OXR1: variants seen among roughly 807,000 people sequenced by gnomAD.
OXR1 encodes oxidation resistance 1.
A neutral mutation model predicts 104.6 loss-of-function variants in OXR1; 41 were observed. The observed-to-expected ratio is 0.39, with a 90% confidence interval of 0.31 to 0.51. The LOEUF is 0.51. Ranked by LOEUF, OXR1 falls within the 20% of genes least tolerant of loss-of-function variation. OXR1 has a pLI of 0.77. For missense variants in OXR1, 955 were observed against 1,031.9 expected, an observed-to-expected ratio of 0.93 and a Z score of 1.02; for synonymous variants, 348 against 348.4, an observed-to-expected ratio of 1.00 and a Z score of 0.01.
chr8:106,343,035 G>A (rs1815320833), intron 1 of OXR1, among the ~76,000 whole-genome samples: 1 of 152,160 alleles, frequency 6.6e-6, no homozygotes, highest in Admixed American at 6.5e-5. Context: ...TGCAAATCCA[G>A]TCAGTCCCTG....
chr8:106,745,053 A>G (rs1451276559), intron 15 of OXR1, among the ~76,000 whole-genome samples: 1 of 152,168 alleles, frequency 6.6e-6, no homozygotes, highest in Non-Finnish European at 1.5e-5. Flanking sequence ...GATAAGTGTA[A>G]TAATGTAGTC....
chr8:106,702,524 G>A lies in OXR1; in HGVS notation c.676-382G>A, dbSNP rs896995063. Among the ~76,000 whole-genome samples the A allele has an allele frequency of 8.5e-5, 13 of 152,202 alleles. No individual in the cohort carries two copies. In the East Asian group the frequency reaches 2.5e-3, roughly 29 times the overall value. On this transcript the variant is annotated intron_variant, in intron 7 of 16. Coordinates refer to ENST00000517566, the MANE Select transcript of OXR1 (RefSeq NM_001198533.2). ...CAACATTATTTATTGAGTCTGCACT[G>A]TATACATGACACTGTATTTGGTACT...
chr8:106,464,321 T>C (rs1821066123), intron 2 of OXR1, among the ~76,000 whole-genome samples: 1 of 152,046 alleles, frequency 6.6e-6, no homozygotes, highest in Non-Finnish European at 1.5e-5. Flanking sequence ...ACTGATACCA[T>C]AGTTAATGGA....
rs1563731558 is a variant in OXR1 at position 106,707,227 on chromosome 8, T to C, written c.1624+82T>C. 4 of 1,239,720 alleles carry C rather than the reference T, an allele frequency of 3.2e-6. No homozygotes were observed. In the Admixed American group the frequency reaches 7.1e-5, roughly 22 times the overall value. 76.8% of individuals were successfully genotyped at this position (1,239,720 alleles called of 1,614,324 possible). On this transcript the variant is annotated intron_variant, in intron 9 of 16. Coordinates refer to ENST00000517566, the MANE Select transcript of OXR1 (RefSeq NM_001198533.2). ...TTCCTCACTGACTCAAAAGCCGCTG[T>C]ACCTTAGGGCAACCTGAAGGATAAG...
chr8:106,335,135 G>A (rs1178162721), intron 1 of OXR1, among the ~76,000 whole-genome samples: 1 of 151,706 alleles, frequency 6.6e-6, no homozygotes, highest in Non-Finnish European at 1.5e-5. Context: ...CTTTCCATGT[G>A]TTGTTTCGTC....
Position 106,341,828 on chromosome 8 carries a change from C to A in OXR1, c.-138-17648C>A, listed in dbSNP as rs936246357. ...CAAGCCTCAGAGGAGGTTTTCTCCT[C>A]TTTTTCTGGACTAGGATCATCCTTC... On this transcript the variant is annotated intron_variant, in intron 1 of 16. Coordinates refer to ENST00000517566, the MANE Select transcript of OXR1 (RefSeq NM_001198533.2). Among the ~76,000 whole-genome samples the A allele has an allele frequency of 3.3e-5, 5 of 151,790 alleles. No homozygotes were observed. In the South Asian group the frequency reaches 1.0e-3, roughly 32 times the overall value.
At chr8:106,383,275 A>G (rs1169356365) in intron 2 of OXR1, among the ~76,000 whole-genome samples, 1 of 152,152 alleles carries the variant, frequency 6.6e-6, no homozygotes, top group East Asian at 1.9e-4. Flanking sequence ...TTCTCTATGT[A>G]AAGTTTCCAT....
At chr8:106,734,162 T>G (rs990091512) in intron 11 of OXR1, among the ~76,000 whole-genome samples, 7 of 152,066 alleles carry the variant, frequency 4.6e-5, no homozygotes, top group Non-Finnish European at 1.0e-4. Flanking sequence ...TTCTCCATGT[T>G]GCCCCGGCTG....
At position 106,745,685 on chromosome 8, in the gene OXR1, T is replaced by C. The variant is rs548982588; in HGVS notation, c.2413-104T>C. On this transcript the variant is annotated intron_variant, in intron 15 of 16. Transcript: ENST00000517566. ...GCTTTTTGTGGTGTTCTTATTCTTATACTGCCAGTCTTGGCTTTGTTAACT... is the reference window on the plus strand; with the variant it reads ...GCTTTTTGTGGTGTTCTTATTCTTACACTGCCAGTCTTGGCTTTGTTAACT... The C allele has an allele frequency of 3.8e-5, 21 of 554,962 alleles. No individual in the cohort carries two copies. In the South Asian group the frequency reaches 6.0e-4, roughly 16 times the overall value. 34.4% of individuals were successfully genotyped at this position (554,962 alleles called of 1,614,324 possible).
chr8:106,459,663 A>G (rs1820800945), intron 2 of OXR1, among the ~76,000 whole-genome samples: 2 of 152,168 alleles, frequency 1.3e-5, no homozygotes, highest in African/African-American at 2.4e-5. Flanking sequence ...GGAGCTCTTC[A>G]TTAGAAGGAA....
rs919968911 is a variant in OXR1, at chr8:106,338,515, A to G, written c.-138-20961A>G. On this transcript the variant is annotated intron_variant, in intron 1 of 16. Coordinates refer to ENST00000517566, the MANE Select transcript of OXR1 (RefSeq NM_001198533.2). ...GAGGTGGAGGTTGCAGTGAGCCAAG[A>G]TCACACCACTGCACTCTACCCTGGG... 3.3e-5 allele frequency among the ~76,000 whole-genome samples: 5 copies of G among 151,008 alleles called. No individual in the cohort carries two copies. The South Asian group carries it at 6.3e-4, about 19-fold the overall frequency.
At chr8:106,303,165 A>C (rs1295213913) in intron 1 of OXR1, among the ~76,000 whole-genome samples, 2 of 151,362 alleles carry the variant, frequency 1.3e-5, no homozygotes, top group Non-Finnish European at 2.9e-5. Flanking sequence ...TTTAACTTTT[A>C]GAAGGCATGC....
intron 7 of OXR1, among the ~76,000 whole-genome samples, chr8:106,694,921 A>G (rs1445135338): frequency 7.7e-6 from 1 of 130,712 alleles, no homozygotes; most frequent in Non-Finnish European, 1.6e-5. Flanking sequence ...ACATATTTAT[A>G]TATATTTATA....
intron 3 of OXR1, among the ~76,000 whole-genome samples, chr8:106,526,573 C>G (rs879447928): frequency 2.0e-5 from 3 of 152,206 alleles, no homozygotes; most frequent in Non-Finnish European, 4.4e-5. Flanking sequence ...GACGGAGTCT[C>G]GCTCTGTCGC....
intron 3 of OXR1, among the ~76,000 whole-genome samples, chr8:106,547,492 CTTTT>C (rs60073341): frequency 1.9e-4 from 22 of 116,576 alleles, no homozygotes; most frequent in African/African-American, 2.3e-4. Flanking sequence ...TTCTTTCTTT[CTTTT>C]TTTTTTTTTT....
Position 106,315,490 on chromosome 8 carries a change from A to C in OXR1, c.-138-43986A>C, listed in dbSNP as rs182129293. ...AATTTGTAGTTGAACATCTGTTTAA[A>C]GCCTGGCTAAAAATTGCCTTAAAAA... On this transcript the variant is annotated intron_variant, in intron 1 of 16. Transcript: ENST00000517566. 1.1e-4 allele frequency among the ~76,000 whole-genome samples: 16 copies of C among 152,320 alleles called. No individual in the cohort carries two copies. The East Asian group carries it at 2.7e-3, about 26-fold the overall frequency.
chr8:106,357,029 T>TA (rs1816002073), intron 1 of OXR1, among the ~76,000 whole-genome samples: 1 of 152,170 alleles, frequency 6.6e-6, no homozygotes, highest in Non-Finnish European at 1.5e-5. Context: ...TGTTTTTTTT[T>TA]AAATGATGTC....
intron 2 of OXR1, among the ~76,000 whole-genome samples, chr8:106,384,984 G>A (rs1445893310): frequency 6.6e-6 from 1 of 151,866 alleles, no homozygotes; most frequent in Non-Finnish European, 1.5e-5. Context: ...CAAAGTGCTG[G>A]GATTACAGGC....
intron 1 of OXR1, among the ~76,000 whole-genome samples, chr8:106,277,347 G>A (rs978148264): frequency 3.9e-5 from 6 of 152,136 alleles, no homozygotes; most frequent in Non-Finnish European, 1.5e-5. Context: ...CGGATTATAG[G>A]TTATGATTCC....
Sources: gnomAD v4.1 joint callset for allele counts (sites outside exome capture counted in the v4.1 genomes callset) on GRCh38, gnomAD v4.1.1 for gene constraint, MANE v1.5 for transcripts, NCBI Gene and HGNC (gene_info 2026-07-23, HGNC 2026-07-21) for gene names.